The following SNTG2 variants were observed in gnomAD, a reference collection of about 807,000 sequenced individuals.
SNTG2 encodes the protein gamma-2-syntrophin.
In SNTG2, 74 loss-of-function variants were observed where a neutral mutation model predicts 70.9. The ratio of observed to expected loss-of-function variants is 1.04; its 90% confidence interval spans 0.86 to 1.27. The LOEUF (loss-of-function observed/expected upper bound fraction) is 1.27, where lower values mean the gene tolerates loss of function less well. Among genes scored for constraint, SNTG2 ranks in the 50% most tolerant of loss-of-function variants. The pLI, the probability that SNTG2 is intolerant of heterozygous loss-of-function variation, is 0.00. For synonymous variants in SNTG2, 278 were observed against 273.8 expected (o/e 1.02, Z -0.15); for missense variants, 717 against 690.7 (o/e 1.04, Z -0.43).
intron 1 of SNTG2, among the ~76,000 whole-genome samples, chr2:1,050,753 T>C (rs893868070): frequency 2.0e-5 from 3 of 152,220 alleles, no homozygotes; most frequent in Non-Finnish European, 4.4e-5. Flanking sequence ...AATATGTAGA[T>C]TACTTAGGGG....
At chr2:1,302,248 C>A (rs192834049) in intron 14 of SNTG2, among the ~76,000 whole-genome samples, 2 of 151,980 alleles carry the variant, frequency 1.3e-5, no homozygotes, top group South Asian at 4.2e-4. Context: ...TGTGAGCCAC[C>A]GCGCCCGGCC....
Position 1,116,352 on chromosome 2 carries a change from G to T in SNTG2, c.325+17942G>T, listed in dbSNP as rs557417770. 4.6e-5 allele frequency among the ~76,000 whole-genome samples: 7 copies of T among 152,358 alleles called. No individual in the cohort carries two copies. In the South Asian group the frequency reaches 1.0e-3, roughly 23 times the overall value. The stretch of plus-strand genomic sequence containing the variant: ...TGCCAGGGAAGCAGGTGTGAAAACA[G>T]CTCCAGTTACTCAGGCAAGGCTGTG... On this transcript the variant is annotated intron_variant, in intron 4 of 16. Transcript: ENST00000308624.
intron 1 of SNTG2, among the ~76,000 whole-genome samples, chr2:1,049,498 T>G (rs1661933229): frequency 6.6e-6 from 1 of 152,250 alleles, no homozygotes; most frequent in Admixed American, 6.5e-5. Flanking sequence ...CTTCTCCTTT[T>G]GTTTTAATGC....
At chr2:1,161,992 T>A (rs1352743344) in intron 6 of SNTG2, among the ~76,000 whole-genome samples, 2 of 139,104 alleles carry the variant, frequency 1.4e-5, no homozygotes, top group Non-Finnish European at 3.0e-5. Context: ...GAGAATTGTG[T>A]GAACCCGGGA....
chr2:1,084,483 C>A (rs1386527619), intron 2 of SNTG2, among the ~76,000 whole-genome samples: 1 of 152,170 alleles, frequency 6.6e-6, no homozygotes, highest in African/African-American at 2.4e-5. Flanking sequence ...TGCTCCCCAA[C>A]ATGTCCCCTG....
At chr2:997,008 C>T (rs1377388916) in intron 1 of SNTG2, among the ~76,000 whole-genome samples, 1 of 152,130 alleles carries the variant, frequency 6.6e-6, no homozygotes, top group African/African-American at 2.4e-5. Flanking sequence ...AGCAGCACTT[C>T]GTTCTGTGTC....
intron 1 of SNTG2, among the ~76,000 whole-genome samples, chr2:1,070,367 G>A (rs1030544771): frequency 6.6e-6 from 1 of 152,114 alleles, no homozygotes; most frequent in Admixed American, 6.5e-5. Flanking sequence ...GGAACTTCTC[G>A]AAGCTTTTGT....
At chr2:1,124,190 C>T (rs565451135) in intron 4 of SNTG2, among the ~76,000 whole-genome samples, 1 of 152,130 alleles carries the variant, frequency 6.6e-6, no homozygotes, top group African/African-American at 2.4e-5. Flanking sequence ...TTTCATTATC[C>T]CATATTGCAT....
At chr2:1,351,556 A>T (rs1660581930) in intron 16 of SNTG2, among the ~76,000 whole-genome samples, 2 of 152,238 alleles carry the variant, frequency 1.3e-5, no homozygotes, top group South Asian at 4.1e-4. Flanking sequence ...TAGAAGAAAG[A>T]GGGCACTTGA....
chr2:1,028,562 CCTT>C (rs1461361879), intron 1 of SNTG2, among the ~76,000 whole-genome samples: 1 of 152,144 alleles, frequency 6.6e-6, no homozygotes, highest in Non-Finnish European at 1.5e-5. Flanking sequence ...AATGTCCAAA[CCTT>C]CTCAGCTTTC....
chr2:1,286,655 G>A (rs375802283), intron 14 of SNTG2, among the ~76,000 whole-genome samples: 4 of 152,312 alleles, frequency 2.6e-5, no homozygotes, highest in African/African-American at 9.6e-5. Flanking sequence ...GTCCATTCCA[G>A]TGAGGACAAA....
In SNTG2 at chr2:1,222,019, C is replaced by T. The variant is rs1553362086; in HGVS notation, c.719+12789C>T. On this transcript the variant is annotated intron_variant, in intron 9 of 16. Transcript: ENST00000308624. ...TGTCTCTGTCTCTCTCTGTCTCTCT[C>T]TGTCTCTGCCTATCTCTGTCTCTCT... Among the ~76,000 whole-genome samples the T allele has an allele frequency of 1.9e-5, 2 of 104,062 alleles. 1 individual carries two copies. Among genetic ancestry groups the T allele is most frequent in the South Asian group, 6.5e-4 (2 of 3,060 alleles). 68.3% of individuals were successfully genotyped at this position (104,062 alleles called of 152,430 possible).
intron 13 of SNTG2, among the ~76,000 whole-genome samples, chr2:1,262,388 G>A (rs1678459407): frequency 6.6e-6 from 1 of 152,218 alleles, no homozygotes; most frequent in African/African-American, 2.4e-5. Context: ...CATCTTGCCA[G>A]TGATCACATT....
At chr2:1,317,493 G>A (rs1337812827) in intron 16 of SNTG2, among the ~76,000 whole-genome samples, 1 of 119,100 alleles carries the variant, frequency 8.4e-6, no homozygotes, top group East Asian at 2.8e-4. Context: ...TTTAGCATCA[G>A]GTCAGCATTG....
rs550720853 is a variant in SNTG2, at chr2:1,201,506, ATTTCAC to A, written c.592-7596_592-7591del. Among the ~76,000 whole-genome samples, 8 of 152,006 alleles carry A rather than the reference ATTTCAC, an allele frequency of 5.3e-5. No homozygotes were observed. In the South Asian group the frequency reaches 1.7e-3, roughly 32 times the overall value. Reference sequence around the variant, plus strand: ...AATAGAAATACATTATGTTGGGGACATTTCACATATTTTCTTCTAGGTATTTTGAAA... The same window carrying A: ...AATAGAAATACATTATGTTGGGGACAATATTTTCTTCTAGGTATTTTGAAA... On this transcript the variant is annotated intron_variant, in intron 8 of 16. Transcript: ENST00000308624.
intron 9 of SNTG2, among the ~76,000 whole-genome samples, chr2:1,220,512 T>G (rs960387214): frequency 6.6e-6 from 1 of 152,190 alleles, no homozygotes; most frequent in African/African-American, 2.4e-5. Context: ...CGGTCTGAGG[T>G]TGATGACATG....
In SNTG2 at chr2:1,315,082, G is replaced by A. The variant is rs1477545397; in HGVS notation, c.1378-1183G>A. ...CTAGATAGTGTCTGGCAATTCTAAT[G>A]CTAAAAGGATCCTGATGCCCAAAGT... On this transcript the variant is annotated intron_variant, in intron 15 of 16. Coordinates refer to ENST00000308624, the MANE Select transcript of SNTG2 (RefSeq NM_018968.4). Among the ~76,000 whole-genome samples, 17 of 152,184 alleles carry A rather than the reference G, an allele frequency of 1.1e-4. 1 individual carries two copies. Among genetic ancestry groups the A allele is most frequent in the Admixed American group, 9.8e-4 (15 of 15,272 alleles).
intron 4 of SNTG2, among the ~76,000 whole-genome samples, chr2:1,125,670 AATAC>A (rs1417286537): frequency 1.3e-5 from 2 of 152,206 alleles, no homozygotes; most frequent in African/African-American, 4.8e-5. Context: ...ATTTACAGTA[AATAC>A]ATGTCAGCTG....
At chr2:1,017,432 C>G (rs1403524613) in intron 1 of SNTG2, among the ~76,000 whole-genome samples, 1 of 152,208 alleles carries the variant, frequency 6.6e-6, no homozygotes, top group Non-Finnish European at 1.5e-5. Context: ...TGTACACATG[C>G]AGACACATGC....
Sources: gnomAD v4.1 joint callset for allele counts (sites outside exome capture counted in the v4.1 genomes callset) on GRCh38, gnomAD v4.1.1 for gene constraint, MANE v1.5 for transcripts, NCBI Gene and HGNC (gene_info 2026-07-23, HGNC 2026-07-21) for gene names.